BOK: variants seen among roughly 807,000 people sequenced by gnomAD.
The protein encoded by BOK is bcl-2-related ovarian killer protein.
Under a neutral mutation model 18.3 loss-of-function variants are expected in BOK, and 20 were observed. That is an observed-to-expected ratio of 1.09 (90% CI 0.77 to 1.59). The LOEUF (loss-of-function observed/expected upper bound fraction) is 1.59. Among genes scored for constraint, BOK ranks in the 40% most tolerant of loss-of-function variants. The pLI is 0.00. For synonymous variants in BOK, 173 were observed against 142.4 expected (o/e 1.21, Z -1.53); for missense variants, 348 against 307.9 (o/e 1.13, Z -0.97).
In BOK at chr2:241,569,989, G is replaced by A. The variant is rs1051261946; in HGVS notation, c.350-136G>A. 1.3e-4 allele frequency: 143 copies of A among 1,113,640 alleles called. 1 individual carries two copies. The South Asian group carries it at 1.3e-3, about 10-fold the overall frequency. 69.0% of individuals were successfully genotyped at this position (1,113,640 alleles called of 1,614,324 possible). On this transcript the variant is annotated intron_variant, in intron 3 of 4. Transcript: ENST00000318407. ...CCTGACAGGCATCCTGTCAGGGAGC[G>A]GTCCCCCCTTGGGACGGTCCCTGGT...
rs1235950752 is a variant in BOK, at chr2:241,558,954, C to T, written c.-69C>T. The T allele has an allele frequency of 2.0e-5, 3 of 151,800 alleles. No individual in the cohort carries two copies. The highest frequency in any genetic ancestry group is 4.4e-5 in the Non-Finnish European group (3 of 67,904). 9.4% of individuals were successfully genotyped at this position (151,800 alleles called of 1,614,324 possible). On this transcript the variant is annotated 5_prime_UTR_variant, in exon 1 of 5. Transcript: ENST00000318407. ...GTCGGCGGCGAGCAGATCCTGAAGC[C>T]AGAACTCCACCCCGGCGCCCGCGCC...
At chr2:241,554,395 C>T (rs2066436346), upstream of BOK, among the ~76,000 whole-genome samples, 1 of 152,192 alleles carries the variant, frequency 6.6e-6, no homozygotes, top group Admixed American at 6.5e-5. Flanking sequence ...CCTCTGCGCC[C>T]CACTCTGTGA....
chr2:241,553,585 C>T (rs1228402201), intron 1 of BOK, among the ~76,000 whole-genome samples: 2 of 152,144 alleles, frequency 1.3e-5, no homozygotes, highest in Admixed American at 6.5e-5. Context: ...ACGTGTCTTA[C>T]GAGGCGGAAG....
rs1341444535 is a variant in BOK at position 241,567,884 on chromosome 2, G to C, written c.350-2241G>C. On this transcript the variant is annotated intron_variant, in intron 3 of 4. Coordinates refer to ENST00000318407, the MANE Select transcript of BOK (RefSeq NM_032515.5). ...AGTGTGGAGCAGCCACCAGCTACTAGTCTCAGGAGGTCTTTATCACCCCAG... is the reference window on the plus strand; with the variant it reads ...AGTGTGGAGCAGCCACCAGCTACTACTCTCAGGAGGTCTTTATCACCCCAG... Among the ~76,000 whole-genome samples, 8 of 77,514 alleles carry C rather than the reference G, an allele frequency of 1.0e-4. 2 individuals are homozygous for C. The highest frequency in any genetic ancestry group is 4.7e-4 in the African/African-American group (8 of 16,984). 50.9% of individuals were successfully genotyped at this position (77,514 alleles called of 152,430 possible). A position where few individuals can be genotyped will look rare whatever the true frequency, so the allele number is the denominator to read the frequency against.
chr2:241,558,056 C>CAG (rs777195386), upstream of BOK, among the ~76,000 whole-genome samples: 12 of 149,948 alleles, frequency 8.0e-5, no homozygotes, highest in Admixed American at 6.7e-4. Context: ...AGTTCCGAGA[C>CAG]ACACACACAC....
chr2:241,572,182 A>G (rs1265617611), intron 4 of BOK, 115 bp from the exon 5 acceptor site: 2 of 1,466,326 alleles, frequency 1.4e-6, no homozygotes, highest in East Asian at 2.4e-5. Context: ...AGTCTCCTGC[A>G]TTCCCTTCAT....
intron 3 of BOK, among the ~76,000 whole-genome samples, chr2:241,567,191 G>C (rs995393829): frequency 1.5e-5 from 2 of 129,544 alleles, no homozygotes; most frequent in Non-Finnish European, 3.2e-5. Context: ...CTGGAATGAA[G>C]AGTTGTGATC....
Position 241,573,401 on chromosome 2 carries a change from C to T in BOK, c.*979C>T, listed in dbSNP as rs922066727. On this transcript the variant is annotated 3_prime_UTR_variant, in exon 5 of 5. Transcript: ENST00000318407. The stretch of plus-strand genomic sequence containing the variant: ...GTCCCATCCCAGGAAGAAGGGCCAT[C>T]TCAGGACATGAGTCCTCAGGGGCCC... 7.2e-5 allele frequency: 11 copies of T among 152,386 alleles called. No individual in the cohort carries two copies. Among genetic ancestry groups the T allele is most frequent in the Admixed American group, 7.2e-4 (11 of 15,288 alleles). 9.4% of individuals were successfully genotyped at this position (152,386 alleles called of 1,614,324 possible).
At chr2:241,571,554 G>A (rs112779862) in intron 4 of BOK, among the ~76,000 whole-genome samples, 17 of 152,158 alleles carry the variant, frequency 1.1e-4, no homozygotes, top group African/African-American at 2.7e-4. Context: ...CCAAGATGTC[G>A]CACATGGCTA....
intron 4 of BOK, among the ~76,000 whole-genome samples, chr2:241,571,938 C>T (rs1274701206): frequency 6.6e-6 from 1 of 152,218 alleles, no homozygotes; most frequent in African/African-American, 2.4e-5. Context: ...CCCTGGGGGG[C>T]AGCAGGCAGG....
rs558460169 is a variant in BOK at position 241,562,037 on chromosome 2, G to A, written c.221-311G>A. 3.3e-5 allele frequency among the ~76,000 whole-genome samples: 5 copies of A among 152,358 alleles called. No homozygotes were observed. The highest frequency in any genetic ancestry group is 4.1e-4 in the South Asian group (2 of 4,830). ...TCGGCTGTGAGTCACCAGCAGGCAC[G>A]GCCCACGCTCTCGCAGGATTCCCGC... On this transcript the variant is annotated intron_variant, in intron 2 of 4. Coordinates refer to ENST00000318407, the MANE Select transcript of BOK (RefSeq NM_032515.5). This position sits in a 1 kb window ranked among gnomAD's most constrained non-coding sequence, Gnocchi z 4.5.
intron 3 of BOK, among the ~76,000 whole-genome samples, chr2:241,564,008 C>G (rs1036024045): frequency 6.6e-6 from 1 of 152,232 alleles, no homozygotes; most frequent in Non-Finnish European, 1.5e-5. Flanking sequence ...GCGGGGCTGA[C>G]ACCCTCGGCT....
chr2:241,559,519 C>G lies in BOK; in HGVS notation c.36C>G (p.Ala12=), dbSNP rs1169204791. The G allele has an allele frequency of 8.6e-6, 13 of 1,508,274 alleles. No homozygotes were observed. Among genetic ancestry groups the G allele is most frequent in the South Asian group, 1.2e-5 (1 of 80,288 alleles). The allele number at this position is 1,508,274 out of a possible 1,614,324, so 93.4% of individuals were successfully genotyped here. Residue 12 remains alanine, a synonymous_variant, in exon 2 of 5, where the codon GCC becomes GCG. Coordinates refer to ENST00000318407, the MANE Select transcript of BOK (RefSeq NM_032515.5). ...TGCGGCGCTCCTCGGTCTTCGCCGC[C>G]GAGATCATGGACGCCTTTGACCGCT... ...EVLRRSSVFA[A]EIMDAFDRSP... is the part of the protein sequence containing the mutation.
upstream of BOK, among the ~76,000 whole-genome samples, chr2:241,556,704 C>T (rs1001248313): frequency 6.6e-6 from 1 of 152,016 alleles, no homozygotes; most frequent in African/African-American, 2.4e-5. Context: ...GCTTTCCTAG[C>T]TTCTGGTAAT....
At position 241,567,007 on chromosome 2, in the gene BOK, G is replaced by A. The variant is rs143141757; in HGVS notation, c.350-3118G>A. 7.4e-5 allele frequency among the ~76,000 whole-genome samples: 10 copies of A among 134,758 alleles called. 3 individuals carry two copies. The highest frequency in any genetic ancestry group is 1.5e-4 in the Admixed American group (2 of 13,430). The allele number at this position is 134,758 out of a possible 152,430, so 88.4% of individuals were successfully genotyped here. Reference sequence around the variant, plus strand: ...ATTTTATGGTAATGGAATTATATCAGTTAAAAAGACACAGAAGAGCTGGAA... The same window carrying A: ...ATTTTATGGTAATGGAATTATATCAATTAAAAAGACACAGAAGAGCTGGAA... On this transcript the variant is annotated intron_variant, in intron 3 of 4. Coordinates refer to ENST00000318407, the MANE Select transcript of BOK (RefSeq NM_032515.5).
chr2:241,568,267 C>T (rs1180594679), intron 3 of BOK, among the ~76,000 whole-genome samples: 1 of 152,054 alleles, frequency 6.6e-6, no homozygotes, highest in Non-Finnish European at 1.5e-5. Flanking sequence ...ACTACAGGCA[C>T]CAGCCGCCAT....
rs1171894115 is a variant in BOK, at chr2:241,572,649, G to A, written c.*227G>A. On this transcript the variant is annotated 3_prime_UTR_variant, in exon 5 of 5. Coordinates refer to ENST00000318407, the MANE Select transcript of BOK (RefSeq NM_032515.5). Reference sequence around the variant, plus strand: ...TTTGGGGCAGCCTGCGACCCTCCCCGCTTGTGTCCCTTCTCCTGTGATCTC... The same window carrying A: ...TTTGGGGCAGCCTGCGACCCTCCCCACTTGTGTCCCTTCTCCTGTGATCTC... The A allele has an allele frequency of 2.4e-5, 15 of 620,042 alleles. No individual in the cohort carries two copies. The highest frequency in any genetic ancestry group is 4.0e-5 in the South Asian group (2 of 49,688). 38.4% of individuals were successfully genotyped at this position (620,042 alleles called of 1,614,324 possible). A position where few individuals can be genotyped will look rare whatever the true frequency, so the allele number is the denominator to read the frequency against.
intron 3 of BOK, among the ~76,000 whole-genome samples, chr2:241,569,324 G>A (rs888909545): frequency 1.7e-4 from 6 of 34,452 alleles, no homozygotes; most frequent in African/African-American, 4.4e-4. Context: ...TAGTAGAGAC[G>A]GTTTCACCAT....
At position 241,564,811 on chromosome 2, in the gene BOK, G is replaced by A. The variant is rs547082769; in HGVS notation, c.349+2335G>A. Among the ~76,000 whole-genome samples the A allele has an allele frequency of 1.4e-4, 22 of 152,334 alleles. No individual in the cohort carries two copies. The South Asian group carries it at 4.3e-3, about 30-fold the overall frequency. ...CCACCCGGGTGTCTGTCTCGGGGCC[G>A]CTGGGTTTACGAGCTGCAGGCTGGC... On this transcript the variant is annotated intron_variant, in intron 3 of 4. Coordinates refer to ENST00000318407, the MANE Select transcript of BOK (RefSeq NM_032515.5).
Sources: gnomAD v4.1 joint callset for allele counts (sites outside exome capture counted in the v4.1 genomes callset) on GRCh38, gnomAD v4.1.1 for gene constraint, Gnocchi (gnomAD v3.1) non-coding constraint, MANE v1.5 for transcripts, NCBI Gene and HGNC (gene_info 2026-07-23, HGNC 2026-07-21) for gene names.